Variants in ZNF469 observed in about 807,000 individuals in gnomAD.
ZNF469 encodes zinc finger protein 469.
In ZNF469, 1 loss-of-function variant was observed where a neutral mutation model predicts 1.0. The ratio of observed to expected loss-of-function variants is 1.00; its 90% confidence interval spans 0.35 to 4.73. The LOEUF is 4.73. Among genes scored for constraint, ZNF469 ranks in the 30% most tolerant of loss-of-function variants. The pLI is 0.16. For synonymous variants in ZNF469, 2,703 were observed against 2,363.4 expected (o/e 1.14, Z -4.17); for missense variants, 6,100 against 5,356.3 (o/e 1.14, Z -4.33).
the ZNF469 span, among the ~76,000 whole-genome samples, chr16:88,232,605 A>G: frequency 6.6e-6 from 1 of 152,214 alleles, no homozygotes; most frequent in Non-Finnish European, 1.5e-5. Context: ...GGGTGCAGTG[A>G]TGCGTGGGTA....
chr16:88,437,785 A>G lies in ZNF469; in HGVS notation c.10315A>G (p.Lys3439Glu), dbSNP rs1906700094. The change falls in exon 3 of 3, where the codon AAG becomes GAG. Residue 3439 changes from lysine to glutamate, a missense_variant. By Grantham distance (56) the Lys-to-Glu change is moderately conservative (BLOSUM62 1). Coordinates refer to ENST00000565624, the MANE Select transcript of ZNF469 (RefSeq NM_001367624.2). ...GGAGCAGTTCGACCGCCACATGAACAAGCACCTCAGGGGGGGGCGGCAGCC... is the reference window on the plus strand; with the variant it reads ...GGAGCAGTTCGACCGCCACATGAACGAGCACCTCAGGGGGGGGCGGCAGCC... Reference protein sequence around the residue: ...KKEQFDRHMNKHLRGGRQPFA... With the variant: ...KKEQFDRHMNEHLRGGRQPFA... 6.5e-7 allele frequency: 1 copy of G among 1,549,210 alleles called. No homozygotes were observed. The highest frequency in any genetic ancestry group is 2.4e-5 in the East Asian group (1 of 40,870).
At chr16:88,154,992 C>G in the ZNF469 span, among the ~76,000 whole-genome samples, 1 of 152,216 alleles carries the variant, frequency 6.6e-6, no homozygotes, top group Non-Finnish European at 1.5e-5. Flanking sequence ...ACATGAGCCA[C>G]CTGTACGGCA....
At chr16:88,216,897 C>T in the ZNF469 span, among the ~76,000 whole-genome samples, 2 of 151,906 alleles carry the variant, frequency 1.3e-5, no homozygotes, top group African/African-American at 4.8e-5. Context: ...AGTCTGTCTT[C>T]TTCTTTGTCT....
At chr16:88,119,501 C>A in the ZNF469 span, among the ~76,000 whole-genome samples, 1 of 152,236 alleles carries the variant, frequency 6.6e-6, no homozygotes, top group African/African-American at 2.4e-5. Flanking sequence ...GCCAATTGCT[C>A]AAAGCAACCA....
the ZNF469 span, among the ~76,000 whole-genome samples, chr16:88,163,497 AATGGATGG>A: frequency 9.0e-3 from 1,224 of 135,292 alleles, 10 homozygotes; most frequent in South Asian, 0.044. Context: ...AGGATGGATG[AATGGATGG>A]ATGGATGGAT....
the ZNF469 span, among the ~76,000 whole-genome samples, chr16:88,327,818 C>T: frequency 6.6e-6 from 1 of 152,200 alleles, no homozygotes; most frequent in African/African-American, 2.4e-5. Flanking sequence ...TGACTAGGCC[C>T]GGCTGCTTGA....
chr16:88,374,391 C>T, the ZNF469 span, among the ~76,000 whole-genome samples: 1 of 152,092 alleles, frequency 6.6e-6, no homozygotes, highest in Non-Finnish European at 1.5e-5. Flanking sequence ...GAGTGAGGTG[C>T]GGGAGACTAG....
At chr16:88,263,308 T>G in the ZNF469 span, among the ~76,000 whole-genome samples, 1 of 152,186 alleles carries the variant, frequency 6.6e-6, no homozygotes, top group Non-Finnish European at 1.5e-5. Flanking sequence ...ACTCAACAGA[T>G]GCATATGAGG....
the ZNF469 span, among the ~76,000 whole-genome samples, chr16:88,164,462 TAGATG>T: frequency 9.6e-4 from 139 of 145,410 alleles, no homozygotes; most frequent in African/African-American, 3.6e-3. Flanking sequence ...GATGGATGGA[TAGATG>T]GGTGGCCAGA....
chr16:88,229,268 T>C, the ZNF469 span, among the ~76,000 whole-genome samples: 1 of 152,316 alleles, frequency 6.6e-6, no homozygotes. Flanking sequence ...AGACATGGCA[T>C]TTGTGCTGGC....
At chr16:88,158,403 C>A in the ZNF469 span, among the ~76,000 whole-genome samples, 1 of 151,816 alleles carries the variant, frequency 6.6e-6, no homozygotes, top group Non-Finnish European at 1.5e-5. Flanking sequence ...AGCTGCAAGG[C>A]GACATCCTGC....
At chr16:88,101,008 G>C in the ZNF469 span, 1 of 264,376 alleles carries the variant, frequency 3.8e-6, no homozygotes, top group Non-Finnish European at 7.4e-6. Flanking sequence ...CGGGGCAGCT[G>C]TCCCTCTGCA....
the ZNF469 span, among the ~76,000 whole-genome samples, chr16:88,333,205 C>A: frequency 1.3e-5 from 2 of 152,162 alleles, no homozygotes; most frequent in African/African-American, 4.8e-5. Context: ...AGAGCCTCCA[C>A]CCACCCAGAG....
At chr16:88,118,969 T>C in the ZNF469 span, among the ~76,000 whole-genome samples, 2 of 152,212 alleles carry the variant, frequency 1.3e-5, no homozygotes, top group Non-Finnish European at 2.9e-5. Context: ...TTCTAGGATT[T>C]ACAAAGTTGT....
the ZNF469 span, among the ~76,000 whole-genome samples, chr16:88,101,376 T>A: frequency 1.3e-5 from 2 of 152,190 alleles, no homozygotes; most frequent in Admixed American, 6.5e-5. Context: ...TCTGATGTGG[T>A]TAGGGGCGTC....
the ZNF469 span, among the ~76,000 whole-genome samples, chr16:88,323,237 C>T: frequency 1.3e-5 from 2 of 152,106 alleles, no homozygotes; most frequent in South Asian, 2.1e-4. Context: ...GGAGGGGCCC[C>T]GGAGGCCTTG....
the ZNF469 span, among the ~76,000 whole-genome samples, chr16:88,229,699 T>C: frequency 7.3e-5 from 11 of 151,520 alleles, no homozygotes; most frequent in Non-Finnish European, 1.5e-5. Context: ...CGTGTGGATG[T>C]CACACGTGTG....
At chr16:88,201,565 TA>T in the ZNF469 span, among the ~76,000 whole-genome samples, 5,450 of 144,188 alleles carry the variant, frequency 0.038, 266 homozygotes, top group East Asian at 0.19. The surrounding 1 kb of genome is among the most constrained non-coding windows in gnomAD (Gnocchi z 5.0). Flanking sequence ...ATAAATAAAT[TA>T]AAAAAAAAAA....
chr16:88,160,990 C>T, the ZNF469 span, among the ~76,000 whole-genome samples: 1 of 152,046 alleles, frequency 6.6e-6, no homozygotes, highest in East Asian at 1.9e-4. Flanking sequence ...ATTAAAAATA[C>T]AAAAATTAGC....
Sources: allele counts gnomAD v4.1 joint callset (sites outside exome capture counted in the v4.1 genomes callset), GRCh38; gene constraint gnomAD v4.1.1; non-coding constraint Gnocchi (gnomAD v3.1); transcripts MANE v1.5; gene names NCBI Gene and HGNC (gene_info 2026-07-23, HGNC 2026-07-21).